IRAG1: variants seen among roughly 807,000 people sequenced by gnomAD.
IRAG1 encodes the protein IP3R-associated cGMP kinase substrate.
A neutral mutation model predicts 106.2 loss-of-function variants in IRAG1; 62 were observed. The observed-to-expected ratio is 0.58, with a 90% CI of 0.48 to 0.72. The LOEUF (loss-of-function observed/expected upper bound fraction) is 0.72, where lower values mean the gene tolerates loss of function less well. Among genes scored for constraint, IRAG1 ranks in the 30% least tolerant of loss-of-function variants. IRAG1 has a pLI of 0.00. For synonymous variants in IRAG1, 462 were observed against 443.9 expected, an observed-to-expected ratio of 1.04 and a Z score of -0.51; for missense variants, 1,064 against 1,140.7, an observed-to-expected ratio of 0.93 and a Z score of 0.97.
At chr11:10,595,563 C>T (rs1370320699) in intron 15 of IRAG1, among the ~76,000 whole-genome samples, 5 of 152,082 alleles carry the variant, frequency 3.3e-5, no homozygotes, top group African/African-American at 9.7e-5. Flanking sequence ...TTTTATTTCA[C>T]CTTGTGTTTG....
intron 19 of IRAG1, among the ~76,000 whole-genome samples, chr11:10,581,034 A>G (rs72861085): frequency 0.012 from 1,786 of 152,304 alleles, 17 homozygotes; most frequent in Non-Finnish European, 0.018. Context: ...GTACTCAGTA[A>G]ATGTTTACGA....
chr11:10,631,285 CA>C (rs1408878766), intron 4 of IRAG1, among the ~76,000 whole-genome samples: 1 of 152,174 alleles, frequency 6.6e-6, no homozygotes, highest in African/African-American at 2.4e-5. Context: ...CAGTTGCCAG[CA>C]ACATGCTCCA....
chr11:10,666,657 T>A (rs923387252), intron 1 of IRAG1, among the ~76,000 whole-genome samples: 1 of 152,248 alleles, frequency 6.6e-6, no homozygotes, highest in African/African-American at 2.4e-5. Flanking sequence ...GTAAATAGCA[T>A]AGAGTTTATC....
chr11:10,618,034 T>G (rs1484153656), intron 10 of IRAG1, among the ~76,000 whole-genome samples: 1 of 152,224 alleles, frequency 6.6e-6, no homozygotes, highest in Non-Finnish European at 1.5e-5. Flanking sequence ...TCAAACTCAT[T>G]AATTGGCCTT....
At chr11:10,600,847 C>A in intron 15 of IRAG1, 71 bp downstream of exon 15, 2 of 1,594,640 alleles carry the variant, frequency 1.3e-6, no homozygotes, top group Non-Finnish European at 1.7e-6. Context: ...TCTGACAGCT[C>A]TAATCCTAGC....
At chr11:10,603,007 G>A in intron 14 of IRAG1, 113 bp downstream of exon 14, 1 of 1,243,570 alleles carries the variant, frequency 8.0e-7, no homozygotes. Flanking sequence ...TAGGATGCCT[G>A]GCCCAGAGGA....
chr11:10,687,880 G>T, intron 1 of IRAG1: 9 of 1,059,564 alleles, frequency 8.5e-6, no homozygotes, highest in Non-Finnish European at 1.1e-5. Context: ...TTTTTTTGGG[G>T]GGGGGTGGTA....
chr11:10,578,404 C>A (rs1185154748), intron 20 of IRAG1, among the ~76,000 whole-genome samples: 1 of 152,068 alleles, frequency 6.6e-6, no homozygotes, highest in Non-Finnish European at 1.5e-5. Context: ...TGGGGTTTAC[C>A]CAAAGTTTAT....
At chr11:10,610,915 G>A (rs1854905709) in intron 10 of IRAG1, among the ~76,000 whole-genome samples, 1 of 152,044 alleles carries the variant, frequency 6.6e-6, no homozygotes, top group Non-Finnish European at 1.5e-5. Context: ...CTTTCTCCTG[G>A]ATTTTAACCT....
At chr11:10,673,160 G>GT (rs1297440127) in intron 1 of IRAG1, among the ~76,000 whole-genome samples, 4 of 152,138 alleles carry the variant, frequency 2.6e-5, no homozygotes, top group Non-Finnish European at 5.9e-5. Context: ...CCGTGCGCCT[G>GT]TAATTCCAGC....
rs1850707918 is a variant in IRAG1, at chr11:10,574,068, T to G, written c.*2264A>C. On this transcript the variant is annotated 3_prime_UTR_variant, in exon 21 of 21. Coordinates refer to ENST00000423302, the MANE Select transcript of IRAG1 (RefSeq NM_130385.4). ...TCTAGCTACTGTAAAGGATGCCCCC[T>G]TCAATAAACATGCTATTTTAAAGTG... 1 of 152,570 alleles carries G rather than the reference T, an allele frequency of 6.6e-6. No individual in the cohort carries two copies. The highest frequency in any genetic ancestry group is 1.9e-4 in the East Asian group (1 of 5,204). 9.5% of individuals were successfully genotyped at this position (152,570 alleles called of 1,614,324 possible).
intron 1 of IRAG1, chr11:10,652,432 G>A (rs1022637059): frequency 1.0e-6 from 1 of 968,164 alleles, no homozygotes; most frequent in Non-Finnish European, 1.4e-6. Flanking sequence ...AGCTATCCCA[G>A]AAGGGAGAAA....
At chr11:10,595,116 G>C (rs145721706) in intron 15 of IRAG1, among the ~76,000 whole-genome samples, 3,042 of 151,772 alleles carry the variant, frequency 0.02, 38 homozygotes, top group African/African-American at 0.03. Flanking sequence ...GTAGAAACAG[G>C]GTTTCGCCAT....
At chr11:10,583,285 T>G (rs1018117575) in intron 18 of IRAG1, among the ~76,000 whole-genome samples, 1 of 152,078 alleles carries the variant, frequency 6.6e-6, no homozygotes, top group Non-Finnish European at 1.5e-5. Context: ...GACCAAGTCA[T>G]GAGGAACTCC....
chr11:10,678,125 T>C (rs1860854709), intron 1 of IRAG1, among the ~76,000 whole-genome samples: 1 of 152,220 alleles, frequency 6.6e-6, no homozygotes, highest in Non-Finnish European at 1.5e-5. Flanking sequence ...TTGTGAATAG[T>C]GCTGTTACAC....
intron 20 of IRAG1, among the ~76,000 whole-genome samples, chr11:10,578,278 A>G (rs1851033956): frequency 6.6e-6 from 1 of 152,262 alleles, no homozygotes; most frequent in Admixed American, 6.5e-5. Flanking sequence ...TTAACCCCAT[A>G]GAACTGGTTT....
chr11:10,580,829 G>T (rs762683933), intron 19 of IRAG1, among the ~76,000 whole-genome samples: 7 of 152,148 alleles, frequency 4.6e-5, no homozygotes, highest in Non-Finnish European at 1.0e-4. Flanking sequence ...AAACTGACAG[G>T]GAAAAAATGT....
chr11:10,592,946 C>A lies in IRAG1; in HGVS notation c.2175+546G>T, dbSNP rs76188743. Among the ~76,000 whole-genome samples, 1,263 of 152,282 alleles carry A rather than the reference C, an allele frequency of 8.3e-3. 16 individuals carry two copies. Among genetic ancestry groups the A allele is most frequent in the African/African-American group, 0.029 (1,208 of 41,556 alleles). ...TATTCTATTTTACTTGCTTTTGATT[C>A]ATAATAAATTATGGATAATTCTACA... On this transcript the variant is annotated intron_variant, in intron 17 of 20. Coordinates refer to ENST00000423302, the MANE Select transcript of IRAG1 (RefSeq NM_130385.4).
At chr11:10,617,277 G>T (rs1007902029) in intron 10 of IRAG1, 2 of 785,814 alleles carry the variant, frequency 2.5e-6, no homozygotes, top group African/African-American at 3.8e-5. Flanking sequence ...GATACACTTT[G>T]TCATTTCTTA....
Sources: allele counts gnomAD v4.1 joint callset (sites outside exome capture counted in the v4.1 genomes callset), GRCh38; gene constraint gnomAD v4.1.1; transcripts MANE v1.5; gene names NCBI Gene and HGNC (gene_info 2026-07-23, HGNC 2026-07-21).